Variants in CEP192 observed in about 807,000 individuals in gnomAD.
CEP192 encodes the protein centrosomal protein 192.
A neutral mutation model predicts 271.8 loss-of-function variants in CEP192; 151 were observed. That is an observed-to-expected ratio of 0.56 (90% CI 0.49 to 0.64). CEP192 has a LOEUF of 0.64. Ranked by LOEUF, CEP192 falls within the 30% of genes least tolerant of loss-of-function variation. The pLI, the probability that CEP192 is intolerant of heterozygous loss-of-function variation, is 0.00. For missense variants in CEP192, 2,910 were observed against 3,020.5 expected, an observed-to-expected ratio of 0.96 and a Z score of 0.86; for synonymous variants, 995 against 1,076.5, an observed-to-expected ratio of 0.92 and a Z score of 1.48.
chr18:13,098,132 C>T (rs1349147531), intron 36 of CEP192, among the ~76,000 whole-genome samples: 1 of 152,268 alleles, frequency 6.6e-6, no homozygotes, highest in Non-Finnish European at 1.5e-5. Flanking sequence ...CCATTGTCAT[C>T]ATAGCCCGTT....
At chr18:13,109,596 G>A (rs1355208167) in intron 40 of CEP192, among the ~76,000 whole-genome samples, 1 of 151,990 alleles carries the variant, frequency 6.6e-6, no homozygotes, top group Non-Finnish European at 1.5e-5. Flanking sequence ...AAAGATACAG[G>A]TGTCATACAT....
At chr18:13,011,110 C>T (rs1241489017) in intron 4 of CEP192, among the ~76,000 whole-genome samples, 5 of 151,442 alleles carry the variant, frequency 3.3e-5, no homozygotes, top group Non-Finnish European at 7.4e-5. Flanking sequence ...GCCTGTAGTC[C>T]CAGCTACTTG....
intron 17 of CEP192, 23 bp downstream of exon 17, chr18:13,049,914 A>T: frequency 9.4e-6 from 15 of 1,590,484 alleles, no homozygotes; most frequent in Non-Finnish European, 1.2e-5. Context: ...CTTCTTTTTT[A>T]AAAAATAAAA....
intron 32 of CEP192, 43 bp downstream of exon 32, chr18:13,087,689 A>C: frequency 9.9e-7 from 1 of 1,006,396 alleles, no homozygotes; most frequent in South Asian, 1.8e-5. Flanking sequence ...CATTCAGCAG[A>C]AATAATGAAG....
At chr18:13,011,030 C>T (rs544367813) in intron 4 of CEP192, among the ~76,000 whole-genome samples, 4 of 151,952 alleles carry the variant, frequency 2.6e-5, no homozygotes, top group Non-Finnish European at 5.9e-5. Flanking sequence ...AGTTCGAGAC[C>T]AGCCTGGCCA....
At chr18:12,994,951 G>A (rs2033118653) in intron 1 of CEP192, among the ~76,000 whole-genome samples, 1 of 151,952 alleles carries the variant, frequency 6.6e-6, no homozygotes, top group South Asian at 2.1e-4. Flanking sequence ...ATTCTTCTGA[G>A]ATGCCTGGCC....
chr18:13,102,427 G>T lies in CEP192; in HGVS notation c.6872-1082G>T, dbSNP rs547643181. ...CACCCAGTACACTCCACCATCACCA[G>T]GTTAAGAAGCATCTTCCTCGGCCCC... On this transcript the variant is annotated intron_variant, in intron 38 of 44. Coordinates refer to ENST00000506447, the MANE Select transcript of CEP192 (RefSeq NM_032142.4). Among the ~76,000 whole-genome samples the T allele has an allele frequency of 1.4e-3, 210 of 152,104 alleles. 2 individuals are homozygous for T. The highest frequency in any genetic ancestry group is 1.6e-3 in the East Asian group (8 of 5,152).
intron 3 of CEP192, 33 bp from the exon 4 acceptor site, chr18:13,008,423 A>G (rs1325101033): frequency 7.0e-7 from 1 of 1,420,274 alleles, no homozygotes; most frequent in South Asian, 1.3e-5. Flanking sequence ...GGTAACTAAC[A>G]TTTTATCATT....
intron 4 of CEP192, among the ~76,000 whole-genome samples, chr18:13,011,225 T>TC (rs1183286012): frequency 3.0e-4 from 20 of 66,242 alleles, no homozygotes; most frequent in African/African-American, 4.2e-4. Flanking sequence ...AGACTCTGTC[T>TC]CAAAAAAAAA....
chr18:13,117,558 T>TATA lies in CEP192; in HGVS notation c.7417-25_7417-23dup, dbSNP rs147776824. 316 of 1,528,834 alleles carry TATA rather than the reference T, an allele frequency of 2.1e-4. 2 individuals carry two copies. In the African/African-American group the frequency reaches 3.8e-3, roughly 18 times the overall value. 94.7% of individuals were successfully genotyped at this position (1,528,834 alleles called of 1,614,324 possible). On this transcript the variant is annotated intron_variant, in intron 43 of 44. Transcript: ENST00000506447. ...CTAAAAGATCTAATTTTCATAACTTTATAAAGTGTCTTCTATTAAATTCCA... is the reference window on the plus strand; with the variant it reads ...CTAAAAGATCTAATTTTCATAACTTTATAATAAAGTGTCTTCTATTAAATTCCA...
chr18:13,009,590 T>C (rs1295639047), intron 4 of CEP192, among the ~76,000 whole-genome samples: 1 of 152,214 alleles, frequency 6.6e-6, no homozygotes, highest in African/African-American at 2.4e-5. Flanking sequence ...CTCAACACTT[T>C]GGGAGGCTGA....
intron 43 of CEP192, 74 bp downstream of exon 43, chr18:13,116,577 G>A: frequency 7.3e-7 from 1 of 1,365,630 alleles, no homozygotes; most frequent in South Asian, 1.4e-5. Context: ...TTTTCCTGAT[G>A]ATTCTGTAGA....
intron 30 of CEP192, among the ~76,000 whole-genome samples, chr18:13,075,281 G>A (rs1272661443): frequency 6.6e-6 from 1 of 150,438 alleles, no homozygotes; most frequent in Non-Finnish European, 1.5e-5. Context: ...GCAGAGAGCA[G>A]CCCGGCCGGG....
chr18:13,094,668 C>T (rs2039303723), intron 34 of CEP192, among the ~76,000 whole-genome samples: 1 of 152,180 alleles, frequency 6.6e-6, no homozygotes, highest in Non-Finnish European at 1.5e-5. Context: ...ACTAGGTGTG[C>T]TCATGCTGTT....
rs762012019 is a variant in CEP192, at chr18:13,056,325, T to C, written c.3735T>C (p.Ala1245=). The C allele has an allele frequency of 1.2e-6, 2 of 1,614,124 alleles. No individual in the cohort carries two copies. The part of the protein sequence containing the change: ...SSVADMQNMP[A]AVHALLTQPS... ...TGGCTGACATGCAGAACATGCCTGC[T>C]GCTGTGCACGCACTCTTGACACAAC... Residue 1245 remains alanine (A), a synonymous_variant, in exon 19 of 45, where the codon GCT becomes GCC. Coordinates refer to ENST00000506447, the MANE Select transcript of CEP192 (RefSeq NM_032142.4).
intron 15 of CEP192, among the ~76,000 whole-genome samples, chr18:13,045,351 G>A (rs1029368003): frequency 6.6e-6 from 1 of 152,146 alleles, no homozygotes; most frequent in African/African-American, 2.4e-5. Context: ...AAGTGCATGG[G>A]ATACGTGTAG....
In CEP192 at chr18:13,038,383, A is replaced by ATGCTCATAATACTTCGGT; in HGVS notation, c.1617_1634dup (p.His540_Ala545dup). On this transcript the variant is annotated inframe_insertion, in exon 13 of 45. Coordinates refer to ENST00000506447, the MANE Select transcript of CEP192 (RefSeq NM_032142.4). Reference sequence around the variant, plus strand: ...CTTTCTCCCTAGGAAGAAAACATAGATGCTCATAATACTTCGGTTGCACTG... The same window carrying ATGCTCATAATACTTCGGT: ...CTTTCTCCCTAGGAAGAAAACATAGATGCTCATAATACTTCGGTTGCTCATAATACTTCGGTTGCACTG... The ATGCTCATAATACTTCGGT allele has an allele frequency of 6.4e-7, 1 of 1,551,310 alleles. No homozygotes were observed. The highest frequency in any genetic ancestry group is 1.4e-5 in the African/African-American group (1 of 73,148).
chr18:13,061,669 T>G (rs1307898617), intron 21 of CEP192, among the ~76,000 whole-genome samples: 2 of 152,252 alleles, frequency 1.3e-5, no homozygotes, highest in African/African-American at 4.8e-5. Context: ...TACTTCTCAG[T>G]CAGCTCTGCT....
In CEP192 at chr18:13,065,933, C is replaced by T. The variant is rs552116391; in HGVS notation, c.4489-1898C>T. ...GTGACATGTTTCTTTTATGTTAACT[C>T]GACGTCCTTGAATGGCCTAGTTAGT... is the stretch of plus-strand genomic sequence containing the variant. On this transcript the variant is annotated intron_variant, in intron 21 of 44. Transcript: ENST00000506447. 1.6e-4 allele frequency among the ~76,000 whole-genome samples: 24 copies of T among 152,258 alleles called. No homozygotes were observed. The East Asian group carries it at 3.9e-3, about 24-fold the overall frequency.
Sources: allele counts gnomAD v4.1 joint callset (sites outside exome capture counted in the v4.1 genomes callset), GRCh38; gene constraint gnomAD v4.1.1; transcripts MANE v1.5; gene names NCBI Gene and HGNC (gene_info 2026-07-23, HGNC 2026-07-21).